Variants in DTNA observed in about 807,000 individuals in gnomAD.
DTNA encodes dystrophin-related protein 3.
A neutral mutation model predicts 100.7 loss-of-function variants in DTNA; 43 were observed. The observed-to-expected ratio is 0.43, with a 90% CI of 0.33 to 0.55. The LOEUF is 0.55. DTNA is among the 20% of genes least tolerant of loss of function. The pLI, the probability that DTNA is intolerant of heterozygous loss-of-function variation, is 0.04. For synonymous variants in DTNA, 349 were observed against 347.9 expected (o/e 1.00, Z -0.04); for missense variants, 798 against 953.9 (o/e 0.84, Z 2.15).
chr18:34,798,104 A>G (rs1359840374), intron 4 of DTNA, among the ~76,000 whole-genome samples: 5 of 152,110 alleles, frequency 3.3e-5, no homozygotes, highest in African/African-American at 1.2e-4. Context: ...GCCTAGAGCA[A>G]TTCTTGTGCC....
intron 1 of DTNA, among the ~76,000 whole-genome samples, chr18:34,692,007 T>C (rs565692319): frequency 6.6e-6 from 1 of 152,352 alleles, no homozygotes; most frequent in South Asian, 2.1e-4. Context: ...AAAATCAACC[T>C]TCATTATCAA....
chr18:34,512,681 T>C (rs1242051093), intron 1 of DTNA, among the ~76,000 whole-genome samples: 2 of 152,010 alleles, frequency 1.3e-5, no homozygotes, highest in Non-Finnish European at 2.9e-5. Flanking sequence ...GAAAGGTATA[T>C]GTGAGAATTA....
At chr18:34,714,616 A>T (rs1275440118) in intron 1 of DTNA, among the ~76,000 whole-genome samples, 1 of 150,716 alleles carries the variant, frequency 6.6e-6, no homozygotes, top group African/African-American at 2.4e-5. Flanking sequence ...AGAAATAGGA[A>T]CACTTTTACA....
chr18:34,533,879 G>A (rs2043411172), intron 1 of DTNA, among the ~76,000 whole-genome samples: 1 of 152,110 alleles, frequency 6.6e-6, no homozygotes, highest in Admixed American at 6.6e-5. Flanking sequence ...TAGCTTTTCT[G>A]TGTTGCTTAA....
intron 4 of DTNA, among the ~76,000 whole-genome samples, chr18:34,804,793 G>T (rs1407447462): frequency 6.6e-6 from 1 of 152,108 alleles, no homozygotes; most frequent in Non-Finnish European, 1.5e-5. Flanking sequence ...TGGTGCTGAG[G>T]CTTAGAAATA....
At chr18:34,547,300 C>T (rs2044891957) in intron 1 of DTNA, among the ~76,000 whole-genome samples, 1 of 151,914 alleles carries the variant, frequency 6.6e-6, no homozygotes, top group South Asian at 2.1e-4. Flanking sequence ...AAATTTCTAA[C>T]TCTTTATGCC....
intron 1 of DTNA, among the ~76,000 whole-genome samples, chr18:34,608,456 A>G (rs1449287479): frequency 6.6e-6 from 1 of 151,986 alleles, no homozygotes; most frequent in Non-Finnish European, 1.5e-5. Context: ...ACCCATCAGT[A>G]TGTCTTTCTA....
intron 16 of DTNA, 52 bp from the exon 17 acceptor site, chr18:34,863,914 A>T (rs377195359): frequency 2.1e-5 from 32 of 1,535,144 alleles, no homozygotes; most frequent in Non-Finnish European, 2.8e-5. Context: ...TGGAAATGTG[A>T]TTAGCTCAGA....
chr18:34,507,643 A>G (rs567681537), intron 1 of DTNA, among the ~76,000 whole-genome samples: 4 of 152,264 alleles, frequency 2.6e-5, no homozygotes, highest in African/African-American at 9.6e-5. Context: ...ATTGTAGCCA[A>G]CCTTGAAATT....
Position 34,815,965 on chromosome 18 carries a change from G to C in DTNA, c.660G>C (p.Gln220His). The change falls in exon 7 of 23, where the codon CAG becomes CAC. Residue 220 changes from glutamine to histidine, a missense_variant. Gln to His is a conservative substitution (Grantham distance 24). Transcript: ENST00000444659. ...CGCTTATGTCAGATCCTCCCCCGCA[G>C]TGTCTGGTCTGGTTGCCTCTTCTGC... ...LDTLMSDPPP[Q>H]CLVWLPLLHR... 6.2e-7 allele frequency: 1 copy of C among 1,613,892 alleles called. No homozygotes were observed. The highest frequency in any genetic ancestry group is 8.5e-7 in the Non-Finnish European group (1 of 1,179,806).
chr18:34,572,716 C>T (rs1237619192), intron 1 of DTNA, among the ~76,000 whole-genome samples: 2 of 152,072 alleles, frequency 1.3e-5, no homozygotes, highest in Non-Finnish European at 2.9e-5. Context: ...CTATTAGGTG[C>T]CTAGGAGGTT....
chr18:34,714,936 T>C (rs1024444425), intron 1 of DTNA, among the ~76,000 whole-genome samples: 1 of 151,870 alleles, frequency 6.6e-6, no homozygotes, highest in African/African-American at 2.4e-5. Context: ...AAATCATCAC[T>C]CTCAGTAAAC....
At chr18:34,644,584 G>C (rs1033319165) in intron 1 of DTNA, among the ~76,000 whole-genome samples, 1 of 152,024 alleles carries the variant, frequency 6.6e-6, no homozygotes, top group Admixed American at 6.6e-5. Flanking sequence ...CTGTTGATTT[G>C]TATATTTTTA....
intron 1 of DTNA, among the ~76,000 whole-genome samples, chr18:34,730,083 G>C (rs551435305): frequency 2.6e-5 from 4 of 152,270 alleles, no homozygotes; most frequent in African/African-American, 9.6e-5. Context: ...TGTGTCCCCA[G>C]TTTTCTTTCC....
At chr18:34,596,993 C>G (rs1447276653) in intron 1 of DTNA, among the ~76,000 whole-genome samples, 1 of 152,046 alleles carries the variant, frequency 6.6e-6, no homozygotes, top group Non-Finnish European at 1.5e-5. Context: ...CTAATGCTAT[C>G]CCTCCCCTAG....
At chr18:34,770,943 C>T (rs543892237) in intron 3 of DTNA, among the ~76,000 whole-genome samples, 64 of 151,936 alleles carry the variant, frequency 4.2e-4, no homozygotes, top group African/African-American at 1.3e-3. Context: ...CCACCACGCC[C>T]GGCTAATTTT....
chr18:34,813,000 A>G (rs2095515984), intron 6 of DTNA, among the ~76,000 whole-genome samples: 1 of 152,108 alleles, frequency 6.6e-6, no homozygotes, highest in South Asian at 2.1e-4. Context: ...TTAACTGGGT[A>G]TGGCTCAAGC....
rs368913791 is a variant in DTNA, at chr18:34,838,799, C to T, written c.1308C>T (p.Ile436=). The T allele has an allele frequency of 2.5e-5, 41 of 1,613,602 alleles. No homozygotes were observed. The Admixed American group carries it at 3.0e-4, about 12-fold the overall frequency. The change falls in exon 13 of 23, where the codon ATC becomes ATT. Residue 436 remains isoleucine, a synonymous_variant. Transcript: ENST00000444659. ...ADRLADEHVL[I]GLYVNMLRNN... is the part of the protein sequence containing the mutation. ...GGCTAGCTGATGAACATGTTCTCATCGGGTTGTATGTCAACATGCTCCGGA... is the reference window on the plus strand; with the variant it reads ...GGCTAGCTGATGAACATGTTCTCATTGGGTTGTATGTCAACATGCTCCGGA...
intron 1 of DTNA, among the ~76,000 whole-genome samples, chr18:34,753,906 T>C (rs2092587064): frequency 6.6e-6 from 1 of 152,228 alleles, no homozygotes; most frequent in Admixed American, 6.5e-5. Flanking sequence ...AGGGAGTGTT[T>C]TTTTCTAGAT....
Sources: gnomAD v4.1 joint callset for allele counts (sites outside exome capture counted in the v4.1 genomes callset) on GRCh38, gnomAD v4.1.1 for gene constraint, MANE v1.5 for transcripts, NCBI Gene and HGNC (gene_info 2026-07-23, HGNC 2026-07-21) for gene names.